GRIK3: variants seen among roughly 807,000 people sequenced by gnomAD.
GRIK3 encodes glutamate ionotropic receptor kainate type subunit 3, also known as glutamate receptor ionotropic, kainate 3.
A neutral mutation model predicts 102.5 loss-of-function variants in GRIK3; 29 were observed. That is an observed-to-expected ratio of 0.28 (90% CI 0.21 to 0.39). The LOEUF is 0.39. Among genes scored for constraint, GRIK3 ranks in the 10% least tolerant of loss-of-function variants. The pLI, the probability that GRIK3 is intolerant of heterozygous loss-of-function variation, is 1.00. For missense variants in GRIK3, 908 were observed against 1,252.4 expected (o/e 0.73, Z 4.15); for synonymous variants, 511 against 504.9 (o/e 1.01, Z -0.16).
At position 36,951,958 on chromosome 1, in the gene GRIK3, G is replaced by C. The variant is rs529856782; in HGVS notation, c.116-60862C>G. Among the ~76,000 whole-genome samples, 9 of 152,238 alleles carry C rather than the reference G, an allele frequency of 5.9e-5. No homozygotes were observed. In the East Asian group the frequency reaches 1.6e-3, roughly 26 times the overall value. The stretch of plus-strand genomic sequence containing the variant: ...CCAGGGCCTCTGCCAGGTGGGTTCT[G>C]TCTTGTGGGGAGGAGCATCGAAGGG... On this transcript the variant is annotated intron_variant, in intron 1 of 15. Transcript: ENST00000373091.
chr1:37,026,250 C>A (rs1011588839), intron 1 of GRIK3, among the ~76,000 whole-genome samples: 1 of 152,188 alleles, frequency 6.6e-6, no homozygotes, highest in Non-Finnish European at 1.5e-5. Context: ...ATGGGCCAGG[C>A]GGTGTCTGGG....
chr1:36,940,374 G>C (rs1641706117), intron 1 of GRIK3, among the ~76,000 whole-genome samples: 1 of 152,224 alleles, frequency 6.6e-6, no homozygotes, highest in Non-Finnish European at 1.5e-5. Flanking sequence ...TATTGCATCT[G>C]ATACATGATC....
At chr1:36,969,706 G>A (rs892463781) in intron 1 of GRIK3, among the ~76,000 whole-genome samples, 57 of 152,228 alleles carry the variant, frequency 3.7e-4, no homozygotes, top group African/African-American at 1.3e-3. Context: ...AACAGGATAA[G>A]TGAAATTCAC....
chr1:36,959,532 G>A lies in GRIK3; in HGVS notation c.116-68436C>T, dbSNP rs498528. On this transcript the variant is annotated intron_variant, in intron 1 of 15. Transcript: ENST00000373091. ...GACTGTGTGCCCTGTGAGCCTGTGTGCCCTGTAAGCCTGGGTGTCCCATGA... is the reference window on the plus strand; with the variant it reads ...GACTGTGTGCCCTGTGAGCCTGTGTACCCTGTAAGCCTGGGTGTCCCATGA... Among the ~76,000 whole-genome samples, 619 of 129,556 alleles carry A rather than the reference G, an allele frequency of 4.8e-3. 17 individuals are homozygous for A. The highest frequency in any genetic ancestry group is 0.016 in the African/African-American group (589 of 36,752). The allele number at this position is 129,556 out of a possible 152,430, so 85.0% of individuals were successfully genotyped here. A position where few individuals can be genotyped will look rare whatever the true frequency, so the allele number is the denominator to read the frequency against.
intron 1 of GRIK3, among the ~76,000 whole-genome samples, chr1:36,936,291 C>T (rs1370148815): frequency 1.3e-5 from 2 of 152,138 alleles, no homozygotes; most frequent in African/African-American, 4.8e-5. Context: ...CAAGGGGGCT[C>T]ACTAATGGGT....
rs569908722 is a variant in GRIK3 at position 36,962,651 on chromosome 1, A to T, written c.115+71343T>A. On this transcript the variant is annotated intron_variant, in intron 1 of 15. Transcript: ENST00000373091. ...GAGAGAGGGAGAGGAAGAGAGAGAGAGAGAGAGAGAGAGAGAACAGAAGTG... is the reference window on the plus strand; with the variant it reads ...GAGAGAGGGAGAGGAAGAGAGAGAGTGAGAGAGAGAGAGAGAACAGAAGTG... Among the ~76,000 whole-genome samples the T allele has an allele frequency of 3.8e-3, 466 of 123,120 alleles. 2 individuals carry two copies. Among genetic ancestry groups the T allele is most frequent in the Non-Finnish European group, 5.6e-3 (320 of 56,974 alleles). 80.8% of individuals were successfully genotyped at this position (123,120 alleles called of 152,430 possible).
chr1:36,955,312 G>A (rs1374288608), intron 1 of GRIK3, among the ~76,000 whole-genome samples: 3 of 152,180 alleles, frequency 2.0e-5, no homozygotes, highest in African/African-American at 7.2e-5. Flanking sequence ...TACAGGGGCT[G>A]GGCCTGACCC....
chr1:36,954,369 G>A (rs1641879267), intron 1 of GRIK3, among the ~76,000 whole-genome samples: 1 of 152,260 alleles, frequency 6.6e-6, no homozygotes, highest in Admixed American at 6.5e-5. Context: ...TCAGTGAAGA[G>A]TCACGGAATG....
intron 5 of GRIK3, among the ~76,000 whole-genome samples, chr1:36,869,053 G>C (rs569904951): frequency 6.6e-6 from 1 of 152,246 alleles, no homozygotes; most frequent in Non-Finnish European, 1.5e-5. Context: ...AGCAGGGTCT[G>C]AAGGTGTCTA....
At position 36,850,523 on chromosome 1, in the gene GRIK3, C is replaced by G; in HGVS notation, c.1213-99G>C. 1 of 723,368 alleles carries G rather than the reference C, an allele frequency of 1.4e-6. No homozygotes were observed. The highest frequency in any genetic ancestry group is 2.5e-5 in the East Asian group (1 of 39,300). 44.8% of individuals were successfully genotyped at this position (723,368 alleles called of 1,614,324 possible). On this transcript the variant is annotated intron_variant, in intron 8 of 15. Coordinates refer to ENST00000373091, the MANE Select transcript of GRIK3 (RefSeq NM_000831.4). The surrounding 1 kb of genome is among the most constrained non-coding windows in gnomAD (Gnocchi z 4.0). ...TCATCTCATTCCCATTCATCATGAGCCTCATTGTCATGATCATCATCATCA... is the reference window on the plus strand; with the variant it reads ...TCATCTCATTCCCATTCATCATGAGGCTCATTGTCATGATCATCATCATCA...
In GRIK3 at chr1:36,797,900, C is replaced by T. The variant is rs1642386446; in HGVS notation, c.*3951G>A. On this transcript the variant is annotated 3_prime_UTR_variant, in exon 16 of 16. Coordinates refer to ENST00000373091, the MANE Select transcript of GRIK3 (RefSeq NM_000831.4). ...GGGGAGCAACTTCTAACCTGTTTGG[C>T]CCTTTACCCTGGCCTGGGCCAGGAT... 6.6e-6 allele frequency: 1 copy of T among 152,410 alleles called. No individual in the cohort carries two copies. Among genetic ancestry groups the T allele is most frequent in the South Asian group, 2.1e-4 (1 of 4,830 alleles). The allele number at this position is 152,410 out of a possible 1,614,324, so 9.4% of individuals were successfully genotyped here.
intron 1 of GRIK3, among the ~76,000 whole-genome samples, chr1:37,025,462 C>T (rs1342588605): frequency 6.6e-6 from 1 of 152,188 alleles, no homozygotes; most frequent in Non-Finnish European, 1.5e-5. Flanking sequence ...ATTTGAGAAC[C>T]AGAGGCCTAG....
At chr1:36,966,113 A>C (rs1642075164) in intron 1 of GRIK3, among the ~76,000 whole-genome samples, 1 of 152,234 alleles carries the variant, frequency 6.6e-6, no homozygotes, top group Non-Finnish European at 1.5e-5. Context: ...GGTATAGGAC[A>C]TGCTAGCCAG....
intron 1 of GRIK3, among the ~76,000 whole-genome samples, chr1:36,984,113 C>T (rs145188141): frequency 1.3e-5 from 2 of 152,350 alleles, no homozygotes; most frequent in African/African-American, 2.4e-5. Flanking sequence ...ACCTTGCATG[C>T]CTGCAATGTC....
Position 36,850,181 on chromosome 1 carries a change from A to T in GRIK3, c.1326+130T>A, listed in dbSNP as rs1640565102. ...GCTGCTCTCTGAGAACTTCCTGCTG[A>T]CTCTAAAAGTCTCCACCTACCTGCA... On this transcript the variant is annotated intron_variant, in intron 9 of 15. Coordinates refer to ENST00000373091, the MANE Select transcript of GRIK3 (RefSeq NM_000831.4). The surrounding 1 kb of genome is among the most constrained non-coding windows in gnomAD (Gnocchi z 4.0). 2 of 632,494 alleles carry T rather than the reference A, an allele frequency of 3.2e-6. No homozygotes were observed. Among genetic ancestry groups the T allele is most frequent in the Admixed American group, 2.7e-5 (1 of 37,296 alleles). The allele number at this position is 632,494 out of a possible 1,614,324, so 39.2% of individuals were successfully genotyped here.
rs372082606 is a variant in GRIK3, at chr1:36,833,111, T to C, written c.1531-7285A>G. Among the ~76,000 whole-genome samples, 5 of 152,164 alleles carry C rather than the reference T, an allele frequency of 3.3e-5. No homozygotes were observed. In the East Asian group the frequency reaches 5.8e-4, roughly 18 times the overall value. ...GGGATTAACGCAAAGCCTGGCACAA[T>C]GTAGGGGCTCAATCAAATTTTGCTG... On this transcript the variant is annotated intron_variant, in intron 10 of 15. Coordinates refer to ENST00000373091, the MANE Select transcript of GRIK3 (RefSeq NM_000831.4).
At chr1:36,909,745 C>T (rs1396023129) in intron 1 of GRIK3, among the ~76,000 whole-genome samples, 1 of 152,162 alleles carries the variant, frequency 6.6e-6, no homozygotes, top group African/African-American at 2.4e-5. Flanking sequence ...AAATCTAACC[C>T]CTAACTGAGA....
intron 1 of GRIK3, among the ~76,000 whole-genome samples, chr1:36,918,208 C>T (rs935551903): frequency 2.6e-5 from 4 of 152,204 alleles, no homozygotes; most frequent in African/African-American, 9.7e-5. Flanking sequence ...ATCACTAACA[C>T]CTATAGAACC....
At position 36,801,620 on chromosome 1, in the gene GRIK3, C is replaced by A. The variant is rs1642440510; in HGVS notation, c.*231G>T. 2 of 419,016 alleles carry A rather than the reference C, an allele frequency of 4.8e-6. No individual in the cohort carries two copies. Among genetic ancestry groups the A allele is most frequent in the African/African-American group, 4.0e-5 (2 of 49,638 alleles). 26.0% of individuals were successfully genotyped at this position (419,016 alleles called of 1,614,324 possible). A position where few individuals can be genotyped will look rare whatever the true frequency, so the allele number is the denominator to read the frequency against. The stretch of plus-strand genomic sequence containing the variant: ...ATGTGCTTCCTTTGGCCTTGGCTAT[C>A]TCGGCTGGCAGCTTTAGAAACCCAC... On this transcript the variant is annotated 3_prime_UTR_variant, in exon 16 of 16. Coordinates refer to ENST00000373091, the MANE Select transcript of GRIK3 (RefSeq NM_000831.4).
Sources: gnomAD v4.1 joint callset for allele counts (sites outside exome capture counted in the v4.1 genomes callset) on GRCh38, gnomAD v4.1.1 for gene constraint, Gnocchi (gnomAD v3.1) non-coding constraint, MANE v1.5 for transcripts, NCBI Gene and HGNC (gene_info 2026-07-23, HGNC 2026-07-21) for gene names.